ANKS1B: variants seen among roughly 807,000 people sequenced by gnomAD.
ANKS1B encodes the protein ankyrin repeat and sterile alpha motif domain-containing protein 1B.
Under a neutral mutation model 148.3 loss-of-function variants are expected in ANKS1B, and 36 were observed. That is an observed-to-expected ratio of 0.24 (90% CI 0.19 to 0.32). ANKS1B has a LOEUF of 0.32. Ranked by LOEUF, ANKS1B falls within the 10% of genes least tolerant of loss-of-function variation. The pLI is 1.00. For synonymous variants in ANKS1B, 542 were observed against 560.8 expected (o/e 0.97, Z 0.47); for missense variants, 1,157 against 1,542.6 (o/e 0.75, Z 4.19).
In ANKS1B at chr12:99,307,409, A is replaced by C. The variant is rs550876013; in HGVS notation, c.1757-60545T>G. Among the ~76,000 whole-genome samples, 83 of 152,216 alleles carry C rather than the reference A, an allele frequency of 5.5e-4. 1 individual carries two copies. The highest frequency in any genetic ancestry group is 1.9e-4 in the Non-Finnish European group (13 of 67,980). On this transcript the variant is annotated intron_variant, in intron 12 of 26. Transcript: ENST00000683438. The stretch of plus-strand genomic sequence containing the variant: ...GGGTGAATAATCTGGAGTCAAACAA[A>C]GGTCCCAAGAGAGTGGGTGAAACTC...
At chr12:99,824,499 CAA>C (rs530267431) in intron 2 of ANKS1B, among the ~76,000 whole-genome samples, 13 of 93,418 alleles carry the variant, frequency 1.4e-4, no homozygotes, top group East Asian at 3.1e-4. Flanking sequence ...GACTCTGTCT[CAA>C]AAAAAAAAAA....
At chr12:99,812,544 CACACACACACACACAGAGAGAGAG>C (rs1178175425) in intron 2 of ANKS1B, among the ~76,000 whole-genome samples, 2 of 95,138 alleles carry the variant, frequency 2.1e-5, no homozygotes, top group East Asian at 7.2e-4. Context: ...CACACACACA[CACACACACACACACAGAGAGAGAG>C]AGAGAGAGAA....
At chr12:99,882,103 A>G (rs2153738525) in intron 1 of ANKS1B, among the ~76,000 whole-genome samples, 1 of 152,372 alleles carries the variant, frequency 6.6e-6, no homozygotes, top group Admixed American at 6.5e-5. Context: ...GAAAATTTAG[A>G]ACTGAAAAAT....
At chr12:99,333,747 C>G (rs1290209060) in intron 12 of ANKS1B, among the ~76,000 whole-genome samples, 2 of 151,900 alleles carry the variant, frequency 1.3e-5, no homozygotes, top group Non-Finnish European at 2.9e-5. Context: ...ATAGCCTTCC[C>G]TTTTCCCATC....
At chr12:99,216,663 T>C (rs1167856956) in intron 14 of ANKS1B, among the ~76,000 whole-genome samples, 1 of 152,192 alleles carries the variant, frequency 6.6e-6, no homozygotes, top group Non-Finnish European at 1.5e-5. Context: ...TCTGTGGGTT[T>C]CCCCTTAAAT....
At chr12:99,674,965 AT>A (rs2098555514) in intron 8 of ANKS1B, among the ~76,000 whole-genome samples, 1 of 151,986 alleles carries the variant, frequency 6.6e-6, no homozygotes, top group African/African-American at 2.4e-5. Context: ...TGAAAAGATC[AT>A]TTTAAAAGTA....
At chr12:99,868,221 T>C (rs2091011794) in intron 1 of ANKS1B, among the ~76,000 whole-genome samples, 2 of 152,092 alleles carry the variant, frequency 1.3e-5, no homozygotes, top group Non-Finnish European at 2.9e-5. Flanking sequence ...ATGGAATGAG[T>C]AAGAAAAGAG....
intron 17 of ANKS1B, among the ~76,000 whole-genome samples, chr12:98,958,344 C>G (rs1476520866): frequency 2.0e-5 from 3 of 152,230 alleles, no homozygotes; most frequent in Non-Finnish European, 4.4e-5. Context: ...TACTTACTTA[C>G]AGTCAGCACA....
In ANKS1B at chr12:99,106,403, C is replaced by T. The variant is rs117365944; in HGVS notation, c.2527-21380G>A. On this transcript the variant is annotated intron_variant, in intron 15 of 26. Transcript: ENST00000683438. ...CAAGGGTCAGAGGATTCTTGTCCTT[C>T]TACACTTGAGTGGCCTACAGCCATG... Among the ~76,000 whole-genome samples the T allele has an allele frequency of 9.7e-3, 1,479 of 152,310 alleles. 45 individuals are homozygous for T. Among genetic ancestry groups the T allele is most frequent in the Admixed American group, 0.06 (914 of 15,298 alleles).
intron 19 of ANKS1B, among the ~76,000 whole-genome samples, chr12:98,812,085 G>A (rs1331444835): frequency 2.0e-5 from 3 of 152,120 alleles, no homozygotes; most frequent in African/African-American, 7.2e-5. Context: ...TATAAGCTAT[G>A]TTGTAAATTT....
At chr12:99,855,043 C>A (rs570696501) in intron 1 of ANKS1B, among the ~76,000 whole-genome samples, 1 of 151,498 alleles carries the variant, frequency 6.6e-6, no homozygotes, top group Non-Finnish European at 1.5e-5. Context: ...TAAAATAGTA[C>A]CTCACATCTC....
At chr12:99,124,996 G>A (rs1005757524) in intron 15 of ANKS1B, among the ~76,000 whole-genome samples, 1 of 152,102 alleles carries the variant, frequency 6.6e-6, no homozygotes, top group African/African-American at 2.4e-5. Flanking sequence ...TGAAGATGGT[G>A]ATTACAAGAT....
chr12:99,181,531 C>T (rs911283582), intron 14 of ANKS1B, among the ~76,000 whole-genome samples: 1 of 152,114 alleles, frequency 6.6e-6, no homozygotes, highest in African/African-American at 2.4e-5. Context: ...ATGGCCTTCA[C>T]AAGAGAAAAT....
intron 15 of ANKS1B, among the ~76,000 whole-genome samples, chr12:99,150,857 G>T (rs763201580): frequency 9.2e-5 from 14 of 151,912 alleles, no homozygotes; most frequent in Non-Finnish European, 2.1e-4. Context: ...GCAGGAGGGA[G>T]GTGATGATAT....
chr12:99,448,034 A>G (rs12311446), intron 10 of ANKS1B, among the ~76,000 whole-genome samples: 2,233 of 152,204 alleles, frequency 0.015, 74 homozygotes, highest in African/African-American at 0.051. Context: ...ATTAGAGAGA[A>G]TAGTATGGAG....
intron 9 of ANKS1B, among the ~76,000 whole-genome samples, chr12:99,616,706 A>G (rs1417985208): frequency 1.3e-5 from 2 of 152,216 alleles, no homozygotes; most frequent in Admixed American, 1.3e-4. Flanking sequence ...AAACTTAGTC[A>G]ATACCATTCA....
At chr12:99,539,170 TC>T (rs1363643129) in intron 9 of ANKS1B, among the ~76,000 whole-genome samples, 1 of 152,092 alleles carries the variant, frequency 6.6e-6, no homozygotes, top group Non-Finnish European at 1.5e-5. Flanking sequence ...TAATGCAAAT[TC>T]ACACTAAAAA....
intron 8 of ANKS1B, among the ~76,000 whole-genome samples, chr12:99,668,716 G>A (rs1224526625): frequency 7.0e-6 from 1 of 143,668 alleles, no homozygotes; most frequent in African/African-American, 2.7e-5. Context: ...CATTGTTTTT[G>A]TTATTTTTTT....
chr12:99,442,619 A>T (rs895829384), intron 11 of ANKS1B, among the ~76,000 whole-genome samples: 3 of 151,946 alleles, frequency 2.0e-5, no homozygotes, highest in African/African-American at 7.2e-5. Flanking sequence ...TTGATGAAGG[A>T]TATAGGAAAC....
Sources: allele counts gnomAD v4.1 joint callset (sites outside exome capture counted in the v4.1 genomes callset), GRCh38; gene constraint gnomAD v4.1.1; transcripts MANE v1.5; gene names NCBI Gene and HGNC (gene_info 2026-07-23, HGNC 2026-07-21).